The following USH2A variants were observed in gnomAD, a reference collection of about 807,000 sequenced individuals.
USH2A encodes usherin, also known as Usher syndrome 2A (autosomal recessive, mild).
In USH2A, 443 loss-of-function variants were observed where a neutral mutation model predicts 538.9. That is an observed-to-expected ratio of 0.82 (90% confidence interval 0.76 to 0.89). USH2A has a LOEUF of 0.89. USH2A is among the 40% of genes least tolerant of loss of function. The pLI is 0.00. For synonymous variants in USH2A, 2,413 were observed against 2,273.5 expected (o/e 1.06, Z -1.75); for missense variants, 6,633 against 6,324.8 (o/e 1.05, Z -1.65).
chr1:216,399,459 T>TC (rs1411968693), intron 3 of USH2A, among the ~76,000 whole-genome samples: 2 of 152,062 alleles, frequency 1.3e-5, no homozygotes, highest in Non-Finnish European at 2.9e-5. Context: ...ATACTCTACA[T>TC]CCTTTTTCCC....
chr1:215,978,580 G>C (rs1667676330), intron 35 of USH2A, among the ~76,000 whole-genome samples: 1 of 152,132 alleles, frequency 6.6e-6, no homozygotes, highest in African/African-American at 2.4e-5. Flanking sequence ...ATGGAAGTAA[G>C]AAAAGAGTTA....
At chr1:216,134,851 G>C (rs947442073) in intron 21 of USH2A, among the ~76,000 whole-genome samples, 2 of 152,100 alleles carry the variant, frequency 1.3e-5, no homozygotes, top group Non-Finnish European at 2.9e-5. Context: ...GTCAAGAATC[G>C]ATGGCAAGTA....
chr1:215,896,583 G>A (rs911717962), intron 40 of USH2A, among the ~76,000 whole-genome samples: 2 of 152,060 alleles, frequency 1.3e-5, no homozygotes, highest in African/African-American at 4.8e-5. Flanking sequence ...TTAAGCTGAG[G>A]TTTGAAAAAC....
At chr1:216,264,173 G>A (rs536972986) in intron 11 of USH2A, among the ~76,000 whole-genome samples, 1 of 150,732 alleles carries the variant, frequency 6.6e-6, no homozygotes, top group Non-Finnish European at 1.5e-5. Context: ...AAAAATGACT[G>A]TATTATCAAA....
intron 56 of USH2A, 73 bp from the exon 57 acceptor site, chr1:215,759,916 C>T: frequency 6.4e-7 from 1 of 1,558,592 alleles, no homozygotes; most frequent in South Asian, 1.1e-5. Context: ...ACACCATCCC[C>T]CCCATGAACT....
At chr1:215,901,120 CG>C in intron 38 of USH2A, 1 of 607,882 alleles carries the variant, frequency 1.6e-6, no homozygotes, top group Non-Finnish European at 2.9e-6. Context: ...TCTTAAAAGC[CG>C]GCCCCCAAAC....
intron 64 of USH2A, among the ~76,000 whole-genome samples, chr1:215,660,321 C>G (rs1040194648): frequency 4.6e-5 from 7 of 152,140 alleles, no homozygotes; most frequent in Admixed American, 2.6e-4. Context: ...CCTTAGCACA[C>G]AGCAAACCCT....
At chr1:216,337,101 A>T (rs896994623) in intron 4 of USH2A, among the ~76,000 whole-genome samples, 5 of 151,502 alleles carry the variant, frequency 3.3e-5, no homozygotes, top group African/African-American at 9.7e-5. Flanking sequence ...GCAGCCAGAG[A>T]CAGATCTTAG....
At position 215,957,214 on chromosome 1, in the gene USH2A, C is replaced by T. The variant is rs536054867; in HGVS notation, c.7120+8103G>A. Among the ~76,000 whole-genome samples the T allele has an allele frequency of 3.3e-5, 5 of 152,218 alleles. No homozygotes were observed. In the South Asian group the frequency reaches 1.0e-3, roughly 32 times the overall value. ...ATTCCCAATGTTTTTTATATTAATA[C>T]TTGCTTTGACCATAAGAACATTCTC... On this transcript the variant is annotated intron_variant, in intron 37 of 71. Transcript: ENST00000307340.
intron 9 of USH2A, among the ~76,000 whole-genome samples, chr1:216,305,592 T>A (rs1849375): frequency 0.27 from 40,709 of 152,006 alleles, 5,639 homozygotes; most frequent in Middle Eastern, 0.36. Flanking sequence ...ATTGTGTTTT[T>A]TTTTTATAGG....
chr1:216,006,866 CTA>C (rs1299153009), intron 32 of USH2A, among the ~76,000 whole-genome samples: 12 of 152,138 alleles, frequency 7.9e-5, no homozygotes, highest in African/African-American at 2.9e-4. Context: ...GCTACCGACC[CTA>C]TATGTTTTCT....
At chr1:215,907,981 T>C (rs1665682087) in intron 38 of USH2A, among the ~76,000 whole-genome samples, 1 of 152,000 alleles carries the variant, frequency 6.6e-6, no homozygotes, top group African/African-American at 2.4e-5. Flanking sequence ...ACAAATAAAT[T>C]ACAAAAAAAT....
At chr1:215,988,332 G>A (rs1453154482) in intron 35 of USH2A, among the ~76,000 whole-genome samples, 1 of 152,148 alleles carries the variant, frequency 6.6e-6, no homozygotes, top group Non-Finnish European at 1.5e-5. Flanking sequence ...ATCTCCTCAA[G>A]TTTCATCCAG....
At chr1:215,923,974 C>T (rs1224143735) in intron 38 of USH2A, among the ~76,000 whole-genome samples, 2 of 151,892 alleles carry the variant, frequency 1.3e-5, no homozygotes, top group African/African-American at 2.4e-5. Context: ...AATCCTCCCA[C>T]TTCAGCCTCC....
chr1:216,134,879 G>C (rs771733934), intron 21 of USH2A, among the ~76,000 whole-genome samples: 4 of 152,102 alleles, frequency 2.6e-5, no homozygotes, highest in Middle Eastern at 3.2e-3. Context: ...ATGCCAAAGT[G>C]AGCTTTAGGG....
intron 37 of USH2A, among the ~76,000 whole-genome samples, chr1:215,952,906 C>T (rs1468257640): frequency 1.3e-5 from 2 of 152,142 alleles, no homozygotes; most frequent in African/African-American, 2.4e-5. Context: ...CACAAGCATT[C>T]TTATACACCA....
chr1:216,105,565 AT>A (rs898912250), intron 21 of USH2A, among the ~76,000 whole-genome samples: 2 of 151,942 alleles, frequency 1.3e-5, no homozygotes, highest in Non-Finnish European at 2.9e-5. Context: ...TCAGTTTGCC[AT>A]TTTTTTAATA....
At chr1:216,190,189 A>G (rs2034686616) in intron 20 of USH2A, 34 bp downstream of exon 20, 3 of 1,611,276 alleles carry the variant, frequency 1.9e-6, no homozygotes, top group Non-Finnish European at 2.5e-6. Context: ...CTTGATAGGC[A>G]ACAGATTTTT....
chr1:215,848,640 T>C (rs563578567), intron 44 of USH2A, among the ~76,000 whole-genome samples: 2 of 152,214 alleles, frequency 1.3e-5, no homozygotes, highest in Non-Finnish European at 2.9e-5. Context: ...CTGCATGATA[T>C]GGAGGCTCTT....
Sources: gnomAD v4.1 joint callset for allele counts (sites outside exome capture counted in the v4.1 genomes callset) on GRCh38, gnomAD v4.1.1 for gene constraint, MANE v1.5 for transcripts, NCBI Gene and HGNC (gene_info 2026-07-23, HGNC 2026-07-21) for gene names.